Variants in TET3 observed in about 807,000 individuals in gnomAD.
TET3 encodes the protein methylcytosine dioxygenase TET3.
In TET3, 19 loss-of-function variants were observed where a neutral mutation model predicts 141.4. That is an observed-to-expected ratio of 0.13 (90% CI 0.09 to 0.20). TET3 has a LOEUF of 0.20. Ranked by LOEUF, TET3 falls within the 10% of genes least tolerant of loss-of-function variation. TET3 has a pLI of 1.00. For missense variants in TET3, 1,874 were observed against 2,356.9 expected, an observed-to-expected ratio of 0.80 and a Z score of 4.24; for synonymous variants, 1,043 against 980.9, an observed-to-expected ratio of 1.06 and a Z score of -1.18.
intron 3 of TET3, among the ~76,000 whole-genome samples, chr2:74,014,168 T>G (rs1685610438): frequency 6.6e-6 from 1 of 152,222 alleles, no homozygotes; most frequent in African/African-American, 2.4e-5. Context: ...CATCTTTTCC[T>G]TAGGTTTATT....
At chr2:74,028,180 G>A (rs1436609608) in intron 3 of TET3, among the ~76,000 whole-genome samples, 6 of 151,886 alleles carry the variant, frequency 4.0e-5, no homozygotes, top group Non-Finnish European at 8.8e-5. Context: ...ATGTAGAGCA[G>A]GGGTCTTGCT....
At chr2:74,113,684 C>T in the TET3 span, among the ~76,000 whole-genome samples, 1 of 151,736 alleles carries the variant, frequency 6.6e-6, no homozygotes, top group South Asian at 2.1e-4. Context: ...ATCAAGAAAG[C>T]AATCCCATTT....
rs897640986 is a variant in TET3 at position 74,105,284 on chromosome 2, C to T, written c.*3108C>T. The T allele has an allele frequency of 1.9e-4, 76 of 398,622 alleles. No homozygotes were observed. The highest frequency in any genetic ancestry group is 1.6e-3 in the East Asian group (46 of 28,080). The allele number at this position is 398,622 out of a possible 1,614,324, so 24.7% of individuals were successfully genotyped here. A position where few individuals can be genotyped will look rare whatever the true frequency, so the allele number is the denominator to read the frequency against. On this transcript the variant is annotated 3_prime_UTR_variant, in exon 12 of 12. Transcript: ENST00000409262. ...GTGCCCTGTCCACGGACACCATCCA[C>T]GTGCAGTGCAAACATTTGGTTCCTT...
At chr2:74,133,721 C>G in the TET3 span, among the ~76,000 whole-genome samples, 8 of 152,294 alleles carry the variant, frequency 5.3e-5, no homozygotes, top group African/African-American at 1.9e-4. Context: ...TCTGAAACTG[C>G]AGGTCACTTT....
chr2:73,984,739 C>T (rs1683907873), upstream of TET3, among the ~76,000 whole-genome samples: 1 of 150,938 alleles, frequency 6.6e-6, no homozygotes, highest in African/African-American at 2.4e-5. The surrounding 1 kb of genome is among the most constrained non-coding windows in gnomAD (Gnocchi z 5.6). Context: ...GAGCCTGCCC[C>T]AAGCCGCTCG....
rs373222900 is a variant in TET3, at chr2:74,047,246, A to C, written c.1329A>C (p.Pro443=). ...FPEAWGTDTP[P]ATPRSSWPMP... ...AAGCCTGGGGCACTGACACCCCTCC[A>C]GCAACGCCCCGGAGCTCCTGGCCCA... Residue 443 remains proline, a synonymous_variant, in exon 4 of 12, where the codon CCA becomes CCC. Transcript: ENST00000409262. 5.0e-6 allele frequency: 8 copies of C among 1,613,982 alleles called. No individual in the cohort carries two copies. The highest frequency in any genetic ancestry group is 6.8e-6 in the Non-Finnish European group (8 of 1,179,878).
At chr2:74,025,048 C>G (rs1193293280) in intron 3 of TET3, among the ~76,000 whole-genome samples, 1 of 151,404 alleles carries the variant, frequency 6.6e-6, no homozygotes, top group Non-Finnish European at 1.5e-5. Flanking sequence ...ACAGTGAAAC[C>G]CCGTCTCTAC....
intron 3 of TET3, among the ~76,000 whole-genome samples, chr2:74,011,730 T>C (rs78876991): frequency 0.043 from 6,493 of 152,250 alleles, 190 homozygotes; most frequent in Middle Eastern, 0.079. Flanking sequence ...ATACATATTC[T>C]TTGGAAAAAT....
intron 7 of TET3, 69 bp downstream of exon 7, chr2:74,088,107 C>T (rs907923135): frequency 1.4e-6 from 2 of 1,474,984 alleles, no homozygotes; most frequent in Non-Finnish European, 1.8e-6. Context: ...CAGGAGACTG[C>T]AGGCAACCCT....
rs377597859 is a variant in TET3, at chr2:74,012,909, CTGTT to C, written c.360+9745_360+9748del. On this transcript the variant is annotated intron_variant, in intron 3 of 11. Coordinates refer to ENST00000409262, the MANE Select transcript of TET3 (RefSeq NM_001287491.2). ...TAGTGGATGTTTGCTTTTGTCATGT[CTGTT>C]TAGCATGGTTTGAAGATCAAATGAT... 3.2e-3 allele frequency among the ~76,000 whole-genome samples: 476 copies of C among 151,076 alleles called. 1 individual carries two copies. Among genetic ancestry groups the C allele is most frequent in the African/African-American group, 0.011 (463 of 41,148 alleles).
rs1687741790 is a variant in TET3, at chr2:74,048,032, C to T, written c.2115C>T (p.Asp705=). Residue 705 remains aspartate (D), a synonymous_variant, in exon 4 of 12, where the codon GAC becomes GAT. Transcript: ENST00000409262. ...GSTGPLPPAD[D]KLEELIRQFE... ...CTGGCCCTCTTCCCCCTGCCGATGA[C>T]AAGCTGGAAGAGCTCATCCGGCAGT... 1 of 1,609,784 alleles carries T rather than the reference C, an allele frequency of 6.2e-7. No homozygotes were observed. Among genetic ancestry groups the T allele is most frequent in the Non-Finnish European group, 8.5e-7 (1 of 1,177,878 alleles).
chr2:74,040,002 A>G (rs1239208454), intron 3 of TET3, among the ~76,000 whole-genome samples: 2 of 152,202 alleles, frequency 1.3e-5, no homozygotes, highest in African/African-American at 2.4e-5. Flanking sequence ...CATGGGGGAA[A>G]TGTCCAAGTC....
At chr2:74,120,128 GT>G in the TET3 span, among the ~76,000 whole-genome samples, 1 of 152,216 alleles carries the variant, frequency 6.6e-6, no homozygotes, top group Admixed American at 6.5e-5. Flanking sequence ...GGACCTCCAG[GT>G]TCTTCCCTGG....
At chr2:74,064,702 A>AT (rs975588686) in intron 4 of TET3, among the ~76,000 whole-genome samples, 19 of 151,710 alleles carry the variant, frequency 1.3e-4, no homozygotes, top group Non-Finnish European at 1.0e-4. Context: ...GCTGGCCCAG[A>AT]TTTTTTTTTC....
chr2:74,098,258 A>G (rs1690962733), intron 10 of TET3, among the ~76,000 whole-genome samples: 1 of 152,210 alleles, frequency 6.6e-6, no homozygotes, highest in Admixed American at 6.5e-5. Flanking sequence ...TTATGGTATA[A>G]AAAAATTGGA....
intron 6 of TET3, among the ~76,000 whole-genome samples, chr2:74,082,373 C>A (rs939963453): frequency 1.3e-5 from 2 of 152,050 alleles, no homozygotes; most frequent in African/African-American, 4.8e-5. Context: ...CCTCAGTATG[C>A]CATTGCTCTG....
At chr2:74,125,073 C>A in the TET3 span, among the ~76,000 whole-genome samples, 1 of 149,752 alleles carries the variant, frequency 6.7e-6, no homozygotes, top group African/African-American at 2.5e-5. Flanking sequence ...ATGGTGCAAT[C>A]TCAGCTCACT....
At chr2:74,075,584 C>T (rs1168068351) in intron 5 of TET3, among the ~76,000 whole-genome samples, 3 of 152,108 alleles carry the variant, frequency 2.0e-5, no homozygotes, top group Admixed American at 2.0e-4. Context: ...CCACGTTGGC[C>T]TCCCAAAGTG....
chr2:74,001,636 G>C (rs1173627542), intron 2 of TET3, among the ~76,000 whole-genome samples: 1 of 152,190 alleles, frequency 6.6e-6, no homozygotes, highest in African/African-American at 2.4e-5. Context: ...GAGGGATTGG[G>C]GTAGGGAACG....
Sources: allele counts gnomAD v4.1 joint callset (sites outside exome capture counted in the v4.1 genomes callset), GRCh38; gene constraint gnomAD v4.1.1; non-coding constraint Gnocchi (gnomAD v3.1); transcripts MANE v1.5; gene names NCBI Gene and HGNC (gene_info 2026-07-23, HGNC 2026-07-21).